The following ASXL2 variants were observed in gnomAD, a reference collection of about 807,000 sequenced individuals.
ASXL2 encodes the protein putative Polycomb group protein ASXL2.
ASXL2 carries 23 observed loss-of-function variants against 122.0 expected under a neutral mutation model. The observed-to-expected ratio is 0.19, with a 90% CI of 0.14 to 0.27. ASXL2 has a LOEUF of 0.27. ASXL2 is among the 10% of genes least tolerant of loss of function. ASXL2 has a pLI of 1.00. For missense variants in ASXL2, 1,518 were observed against 1,713.8 expected (o/e 0.89, Z 2.02); for synonymous variants, 650 against 637.0 (o/e 1.02, Z -0.31).
chr2:25,808,370 TCCCCCAG>T (rs1175679492), intron 3 of ASXL2, among the ~76,000 whole-genome samples: 1 of 152,130 alleles, frequency 6.6e-6, no homozygotes, highest in African/African-American at 2.4e-5. Flanking sequence ...TCTCACTCTA[TCCCCCAG>T]GCTGGAGTGC....
intron 5 of ASXL2, among the ~76,000 whole-genome samples, chr2:25,790,054 A>G (rs992710586): frequency 2.0e-5 from 3 of 152,192 alleles, no homozygotes; most frequent in Non-Finnish European, 4.4e-5. Context: ...TTTCTCCTTT[A>G]AAGATAAAAT....
At chr2:25,853,092 C>T (rs947678013) in intron 1 of ASXL2, among the ~76,000 whole-genome samples, 13 of 152,194 alleles carry the variant, frequency 8.5e-5, no homozygotes, top group African/African-American at 2.9e-4. Context: ...CATCTTCCCC[C>T]TTTCCACCAT....
rs577094084 is a variant in ASXL2 at position 25,878,387 on chromosome 2, G to T, written c.-165C>A. The T allele has an allele frequency of 9.6e-6, 6 of 625,138 alleles. No homozygotes were observed. The African/African-American group carries it at 1.1e-4, about 12-fold the overall frequency. The allele number at this position is 625,138 out of a possible 1,614,324, so 38.7% of individuals were successfully genotyped here. Reference sequence around the variant, plus strand: ...AGAGGAAGCGGCGGGGGTGGTGCGCGGGGGGGTCTATGGGGCGGCCGGTCC... The same window carrying T: ...AGAGGAAGCGGCGGGGGTGGTGCGCTGGGGGGTCTATGGGGCGGCCGGTCC... On this transcript the variant is annotated 5_prime_UTR_variant, in exon 1 of 13. Coordinates refer to ENST00000435504, the MANE Select transcript of ASXL2 (RefSeq NM_018263.6).
intron 3 of ASXL2, among the ~76,000 whole-genome samples, chr2:25,823,944 CTGTT>C (rs2149182960): frequency 6.8e-6 from 1 of 147,242 alleles, no homozygotes; most frequent in African/African-American, 2.5e-5. Context: ...GATTATTTCT[CTGTT>C]TGAAAAAAGA....
At chr2:25,811,096 ACAC>A (rs1324796763) in intron 3 of ASXL2, among the ~76,000 whole-genome samples, 11 of 150,120 alleles carry the variant, frequency 7.3e-5, no homozygotes, top group African/African-American at 2.7e-4. Context: ...ACACACACAC[ACAC>A]AAAATCAGCC....
chr2:25,799,673 T>G, intron 4 of ASXL2, 138 bp from the exon 5 acceptor site: 1 of 1,034,614 alleles, frequency 9.7e-7, no homozygotes, highest in Non-Finnish European at 1.4e-6. Flanking sequence ...CCAGCAATAT[T>G]TTCTGAATTC....
chr2:25,768,626 G>C (rs1203277382), intron 7 of ASXL2, 116 bp downstream of exon 7: 6 of 1,145,350 alleles, frequency 5.2e-6, no homozygotes, highest in Non-Finnish European at 6.1e-6. Context: ...GCAGTACAAG[G>C]ATTGTGTAAG....
chr2:25,862,616 T>C (rs1379668189), intron 1 of ASXL2, among the ~76,000 whole-genome samples: 2 of 152,224 alleles, frequency 1.3e-5, no homozygotes, highest in Admixed American at 6.5e-5. Flanking sequence ...TGTTTGTTTT[T>C]TGAGACAGAA....
chr2:25,734,704 G>C lies in ASXL2; in HGVS notation c.*7325C>G, dbSNP rs1051996034. On this transcript the variant is annotated 3_prime_UTR_variant, in exon 13 of 13. Transcript: ENST00000435504. ...GTTGGTCTAATATAGTGTTTAGGAA[G>C]CCAAGTTCCATTTCACTTAACAGAT... is the stretch of plus-strand genomic sequence containing the variant. 9.2e-5 allele frequency: 14 copies of C among 152,146 alleles called. No individual in the cohort carries two copies. The highest frequency in any genetic ancestry group is 1.6e-4 in the Non-Finnish European group (11 of 68,020). The allele number at this position is 152,146 out of a possible 1,614,324, so 9.4% of individuals were successfully genotyped here.
intron 5 of ASXL2, among the ~76,000 whole-genome samples, chr2:25,776,475 C>G (rs2088548002): frequency 6.6e-6 from 1 of 152,148 alleles, no homozygotes; most frequent in African/African-American, 2.4e-5. Context: ...CATTTGTGTG[C>G]AGATGTTTTA....
At chr2:25,798,501 C>T (rs557782424) in intron 5 of ASXL2, among the ~76,000 whole-genome samples, 7 of 152,280 alleles carry the variant, frequency 4.6e-5, no homozygotes, top group East Asian at 3.9e-4. Flanking sequence ...CAGTAGCTCA[C>T]GCCTGTAATC....
At chr2:25,870,604 C>T (rs1264858933) in intron 1 of ASXL2, among the ~76,000 whole-genome samples, 1 of 152,218 alleles carries the variant, frequency 6.6e-6, no homozygotes, top group East Asian at 1.9e-4. Context: ...CCCAGGAGGT[C>T]AAGGCTTCAG....
chr2:25,835,417 G>A, intron 3 of ASXL2, 121 bp downstream of exon 3: 1 of 182,662 alleles, frequency 5.5e-6, no homozygotes, highest in Non-Finnish European at 1.2e-5. Context: ...CTTAGTTTCT[G>A]GACTAATTAT....
intron 5 of ASXL2, among the ~76,000 whole-genome samples, chr2:25,796,910 T>G (rs2088918909): frequency 6.6e-6 from 1 of 152,114 alleles, no homozygotes; most frequent in South Asian, 2.1e-4. Flanking sequence ...GAAATCCAGA[T>G]ACAGGTCTCA....
intron 1 of ASXL2, among the ~76,000 whole-genome samples, chr2:25,854,397 AG>A (rs1031085165): frequency 6.6e-6 from 1 of 152,252 alleles, no homozygotes; most frequent in African/African-American, 2.4e-5. Context: ...ATTTTTTTTC[AG>A]ATGTGAAAAC....
At chr2:25,829,596 GT>G (rs2089426417) in intron 3 of ASXL2, among the ~76,000 whole-genome samples, 1 of 152,190 alleles carries the variant, frequency 6.6e-6, no homozygotes, top group African/African-American at 2.4e-5. Context: ...CAGTCCTGAT[GT>G]AGCCATTTAT....
At chr2:25,772,717 G>A (rs1171935937) in intron 5 of ASXL2, among the ~76,000 whole-genome samples, 2 of 89,254 alleles carry the variant, frequency 2.2e-5, no homozygotes, top group Non-Finnish European at 4.0e-5. Flanking sequence ...CAACAAGAGC[G>A]AAACTTGGTC....
intron 1 of ASXL2, 129 bp downstream of exon 1, chr2:25,878,037 C>T (rs1574460291): frequency 8.6e-7 from 1 of 1,168,078 alleles, no homozygotes; most frequent in East Asian, 2.4e-5. Flanking sequence ...CACTAACCGC[C>T]GCCCTCTCCG....
intron 3 of ASXL2, among the ~76,000 whole-genome samples, chr2:25,807,090 G>A (rs931089161): frequency 6.6e-6 from 1 of 152,134 alleles, no homozygotes; most frequent in African/African-American, 2.4e-5. Flanking sequence ...TAGGTAGCAA[G>A]CAAACACATA....
Sources: gnomAD v4.1 joint callset for allele counts (sites outside exome capture counted in the v4.1 genomes callset) on GRCh38, gnomAD v4.1.1 for gene constraint, MANE v1.5 for transcripts, NCBI Gene and HGNC (gene_info 2026-07-23, HGNC 2026-07-21) for gene names.